Variants in SLC16A2 observed in about 807,000 individuals in gnomAD.
The protein encoded by SLC16A2 is monocarboxylate transporter 8.
Under a neutral mutation model 27.2 loss-of-function variants are expected in SLC16A2, and 3 were observed. The observed-to-expected ratio is 0.11, with a 90% CI of 0.05 to 0.28. The LOEUF (loss-of-function observed/expected upper bound fraction) is 0.28. SLC16A2 is among the 10% of genes least tolerant of loss of function. SLC16A2 has a pLI of 1.00. For synonymous variants in SLC16A2, 202 were observed against 187.8 expected (o/e 1.08, Z -0.62); for missense variants, 295 against 458.5 (o/e 0.64, Z 3.26).
chrX:74,463,235 T>C (rs955431376), intron 1 of SLC16A2, among the ~76,000 whole-genome samples: 1 of 111,737 alleles, frequency 8.9e-6, no homozygotes, highest in Non-Finnish European at 1.9e-5. Context: ...ATTTATGCAA[T>C]GTACTTCAGT....
Position 74,532,408 on chromosome X carries a change from A to G in SLC16A2, c.*855A>G, listed in dbSNP as rs1409498741. 2.7e-5 allele frequency: 3 copies of G among 112,304 alleles called. No individual in the cohort carries two copies. Among genetic ancestry groups the G allele is most frequent in the Middle Eastern group, 9.2e-3 (2 of 218 alleles). 9.3% of individuals were successfully genotyped at this position (112,304 alleles called of 1,213,427 possible). On this transcript the variant is annotated 3_prime_UTR_variant, in exon 6 of 6. Transcript: ENST00000587091. ...GAAACCTTAAACACCACAGTGTTCC[A>G]TGTTCCAGTCACTGATTTTTACAAA...
intron 1 of SLC16A2, among the ~76,000 whole-genome samples, chrX:74,519,977 G>T (rs1008769629): frequency 9.0e-6 from 1 of 111,182 alleles, no homozygotes; most frequent in African/African-American, 3.3e-5. Flanking sequence ...TCAGGGTAAG[G>T]CTCCAACAAA....
chrX:74,496,299 A>G (rs1481182646), intron 1 of SLC16A2, among the ~76,000 whole-genome samples: 1 of 110,566 alleles, frequency 9.0e-6, no homozygotes, highest in Non-Finnish European at 1.9e-5. Flanking sequence ...CACACACCCC[A>G]CAGGAGAAGA....
intron 1 of SLC16A2, among the ~76,000 whole-genome samples, chrX:74,425,388 C>A (rs939253395): frequency 9.0e-6 from 1 of 110,913 alleles, no homozygotes; most frequent in Non-Finnish European, 1.9e-5. Flanking sequence ...GATTGGCAGG[C>A]AAAAGGTCCC....
chrX:74,421,559 C>A lies in SLC16A2; in HGVS notation c.-79C>A. ...GCGGCAGCAGCAGCCCTCCGAGCAG[C>A]AGCAGCTGCAGCAGCAGAAACAAGT... is the stretch of plus-strand genomic sequence containing the variant. On this transcript the variant is annotated 5_prime_UTR_variant, in exon 1 of 6. Coordinates refer to ENST00000587091, the MANE Select transcript of SLC16A2 (RefSeq NM_006517.5). 8.9e-7 allele frequency: 1 copy of A among 1,126,514 alleles called. No individual in the cohort carries two copies. The highest frequency in any genetic ancestry group is 1.2e-6 in the Non-Finnish European group (1 of 830,304). The allele number at this position is 1,126,514 out of a possible 1,213,427, so 92.8% of individuals were successfully genotyped here.
At chrX:74,476,146 T>C (rs983135044) in intron 1 of SLC16A2, among the ~76,000 whole-genome samples, 1 of 111,918 alleles carries the variant, frequency 8.9e-6, no homozygotes, top group African/African-American at 3.3e-5. Context: ...TTGTATCCTC[T>C]TTCATTTCAT....
chrX:74,518,246 AT>A (rs1930347501), intron 1 of SLC16A2, among the ~76,000 whole-genome samples: 1 of 112,259 alleles, frequency 8.9e-6, no homozygotes, highest in Non-Finnish European at 1.9e-5. Context: ...CCAGCAGCGT[AT>A]TACATTTCCA....
At chrX:74,436,189 G>C (rs759886393) in intron 1 of SLC16A2, among the ~76,000 whole-genome samples, 2 of 85,326 alleles carry the variant, frequency 2.3e-5, no homozygotes, top group African/African-American at 5.4e-5. Context: ...GAAAAAGGAA[G>C]AGTGTGTACG....
chrX:74,521,106 A>G lies in SLC16A2; in HGVS notation c.547A>G (p.Ile183Val), dbSNP rs1170167114. 4.1e-6 allele frequency: 5 copies of G among 1,210,280 alleles called. No individual in the cohort carries two copies. Among genetic ancestry groups the G allele is most frequent in the Non-Finnish European group, 5.6e-6 (5 of 895,324 alleles). The part of the protein sequence containing the change: ...TATAGAAVAF[I>V]GLHTSSFTSS... ...AACCGCGGGGGCTGCCGTTGCTTTCATTGGCCTCCATACCAGCTCCTTCAC... is the reference window on the plus strand; with the variant it reads ...AACCGCGGGGGCTGCCGTTGCTTTCGTTGGCCTCCATACCAGCTCCTTCAC... The change falls in exon 2 of 6, where the codon ATT becomes GTT. Residue 183 changes from isoleucine (I) to valine (V), a missense_variant. Physicochemically the swap from Ile to Val is conservative, Grantham distance 29. Around this residue, in one of 3 missense-constraint regions of SLC16A2, gnomAD observed 59 missense variants for 153.6 expected, o/e 0.38. Coordinates refer to ENST00000587091, the MANE Select transcript of SLC16A2 (RefSeq NM_006517.5).
chrX:74,441,925 G>T (rs963405085), intron 1 of SLC16A2, among the ~76,000 whole-genome samples: 19 of 110,873 alleles, frequency 1.7e-4, no homozygotes, highest in Admixed American at 7.7e-4. Context: ...TGTCAGGACT[G>T]GCTGTTGAAA....
At chrX:74,493,675 A>G (rs1294194706) in intron 1 of SLC16A2, among the ~76,000 whole-genome samples, 1 of 112,234 alleles carries the variant, frequency 8.9e-6, no homozygotes, top group Non-Finnish European at 1.9e-5. Context: ...AGAGTTTAGA[A>G]GTACCCAGGA....
intron 1 of SLC16A2, among the ~76,000 whole-genome samples, chrX:74,440,920 G>A (rs777528746): frequency 1.8e-5 from 2 of 110,303 alleles, no homozygotes; most frequent in Non-Finnish European, 3.8e-5. Context: ...TCACATAGAC[G>A]ACCACTTTAT....
At position 74,436,251 on chromosome X, in the gene SLC16A2, G is replaced by A. The variant is rs184993916; in HGVS notation, c.430+14184G>A. On this transcript the variant is annotated intron_variant, in intron 1 of 5. Coordinates refer to ENST00000587091, the MANE Select transcript of SLC16A2 (RefSeq NM_006517.5). ...TGCAAGTGAGCAAGAATTTCAATGC[G>A]AAGCTAATGTTTGGTGGGACAGATT... Among the ~76,000 whole-genome samples, 35 of 111,869 alleles carry A rather than the reference G, an allele frequency of 3.1e-4. No homozygotes were observed. In the East Asian group the frequency reaches 7.6e-3, roughly 24 times the overall value.
chrX:74,531,655 C>T lies in SLC16A2; in HGVS notation c.*102C>T, dbSNP rs980458345. On this transcript the variant is annotated 3_prime_UTR_variant, in exon 6 of 6. Coordinates refer to ENST00000587091, the MANE Select transcript of SLC16A2 (RefSeq NM_006517.5). ...ACCAGCACACTTGTTCCCAGACCTG[C>T]GCACACAGCATTTCAGCCACCTGAC... The T allele has an allele frequency of 6.4e-6, 4 of 621,125 alleles. No individual in the cohort carries two copies. Among genetic ancestry groups the T allele is most frequent in the Non-Finnish European group, 8.2e-6 (3 of 367,320 alleles). 51.2% of individuals were successfully genotyped at this position (621,125 alleles called of 1,213,427 possible). A position where few individuals can be genotyped will look rare whatever the true frequency, so the allele number is the denominator to read the frequency against.
At chrX:74,472,822 G>A (rs1011246435) in intron 1 of SLC16A2, among the ~76,000 whole-genome samples, 3 of 110,607 alleles carry the variant, frequency 2.7e-5, no homozygotes, top group African/African-American at 3.3e-5. Context: ...AAAATAATCC[G>A]TTATACAATT....
At chrX:74,519,982 A>C (rs976430540) in intron 1 of SLC16A2, among the ~76,000 whole-genome samples, 1 of 111,425 alleles carries the variant, frequency 9.0e-6, no homozygotes, top group Non-Finnish European at 1.9e-5. Context: ...GTAAGGCTCC[A>C]ACAAAGTAAA....
At chrX:74,430,403 C>T (rs1398309153) in intron 1 of SLC16A2, among the ~76,000 whole-genome samples, 1 of 111,532 alleles carries the variant, frequency 9.0e-6, no homozygotes, top group East Asian at 2.8e-4. Context: ...TACCTTCCGG[C>T]ATCCTTATGA....
chrX:74,452,187 G>C (rs146942380), intron 1 of SLC16A2, among the ~76,000 whole-genome samples: 251 of 112,417 alleles, frequency 2.2e-3, no homozygotes, highest in African/African-American at 7.5e-3. Flanking sequence ...CCAATTGCCA[G>C]TGTACTCTCT....
At chrX:74,511,350 T>G (rs1419636760) in intron 1 of SLC16A2, among the ~76,000 whole-genome samples, 1 of 110,083 alleles carries the variant, frequency 9.1e-6, no homozygotes, top group African/African-American at 3.3e-5. Context: ...CCCGGCTAAT[T>G]TTTTGTATTT....
Sources: gnomAD v4.1 joint callset for allele counts (sites outside exome capture counted in the v4.1 genomes callset) on GRCh38, gnomAD v4.1.1 for gene constraint, gnomAD v4.1.1 regional missense constraint, MANE v1.5 for transcripts, NCBI Gene and HGNC (gene_info 2026-07-23, HGNC 2026-07-21) for gene names.